LRRC49: variants seen among roughly 807,000 people sequenced by gnomAD.
The protein encoded by LRRC49 is leucine rich repeat containing 49, also known as leucine-rich repeat-containing protein 49.
A neutral mutation model predicts 83.3 loss-of-function variants in LRRC49; 50 were observed. The observed-to-expected ratio is 0.60, with a 90% confidence interval of 0.48 to 0.76. LRRC49 has a LOEUF of 0.76. Ranked by LOEUF, LRRC49 falls within the 30% of genes least tolerant of loss-of-function variation. The pLI, the probability that LRRC49 is intolerant of heterozygous loss-of-function variation, is 0.00. For missense variants in LRRC49, 704 were observed against 809.1 expected, an observed-to-expected ratio of 0.87 and a Z score of 1.58; for synonymous variants, 286 against 283.3, an observed-to-expected ratio of 1.01 and a Z score of -0.10.
chr15:70,882,500 C>T (rs917770502), intron 2 of LRRC49: 1 of 1,613,638 alleles, frequency 6.2e-7, no homozygotes, highest in Non-Finnish European at 8.5e-7. Flanking sequence ...AGACAAATCA[C>T]TCTGTTCACT....
At chr15:71,042,984 A>G (rs2039743207) in intron 15 of LRRC49, among the ~76,000 whole-genome samples, 1 of 152,178 alleles carries the variant, frequency 6.6e-6, no homozygotes, top group Non-Finnish European at 1.5e-5. Context: ...ACCCTAGTGC[A>G]AAGGGCTCTC....
At chr15:70,859,449 T>C in intron 1 of LRRC49, 2 of 721,582 alleles carry the variant, frequency 2.8e-6, no homozygotes, top group Non-Finnish European at 5.2e-6. Context: ...TCTGTGGTGC[T>C]GTCCATGGAC....
At position 70,978,677 on chromosome 15, in the gene LRRC49, C is replaced by G. The variant is rs187746554; in HGVS notation, c.922-1424C>G. Among the ~76,000 whole-genome samples the G allele has an allele frequency of 3.1e-4, 47 of 152,264 alleles. 1 individual carries two copies. The highest frequency in any genetic ancestry group is 1.1e-3 in the African/African-American group (45 of 41,554). Reference sequence around the variant, plus strand: ...GAAATATGTCTACCATTTGATACAGCAGTTTCGGTTTTAATAAATTACTGA... The same window carrying G: ...GAAATATGTCTACCATTTGATACAGGAGTTTCGGTTTTAATAAATTACTGA... On this transcript the variant is annotated intron_variant, in intron 9 of 15. Transcript: ENST00000260382.
intron 8 of LRRC49, among the ~76,000 whole-genome samples, chr15:70,946,198 C>A (rs1054544105): frequency 5.3e-5 from 8 of 152,126 alleles, no homozygotes; most frequent in Admixed American, 5.2e-4. Context: ...ACTAATTCCT[C>A]CTGTCTAACT....
intron 1 of LRRC49, among the ~76,000 whole-genome samples, chr15:70,857,388 C>T (rs947602215): frequency 1.3e-5 from 2 of 152,124 alleles, no homozygotes; most frequent in South Asian, 2.1e-4. Flanking sequence ...CCCAGCTACT[C>T]GGGAGGCTGA....
intron 7 of LRRC49, among the ~76,000 whole-genome samples, chr15:70,929,477 G>GA (rs562878691): frequency 3.7e-4 from 56 of 152,292 alleles, no homozygotes; most frequent in Non-Finnish European, 7.2e-4. Context: ...TTTGCTGGTG[G>GA]AGGGAGGGTC....
chr15:70,901,923 C>T (rs568746322), intron 4 of LRRC49, among the ~76,000 whole-genome samples: 4 of 152,222 alleles, frequency 2.6e-5, no homozygotes, highest in Non-Finnish European at 5.9e-5. Flanking sequence ...CTATCTACCC[C>T]AGTGGTATAA....
At chr15:70,992,081 C>G (rs1260384550) in intron 11 of LRRC49, among the ~76,000 whole-genome samples, 1 of 152,230 alleles carries the variant, frequency 6.6e-6, no homozygotes, top group Non-Finnish European at 1.5e-5. Context: ...CACTGATACC[C>G]TTGCTTCCAG....
intron 15 of LRRC49, among the ~76,000 whole-genome samples, chr15:71,046,673 T>G (rs2039862908): frequency 6.6e-6 from 1 of 152,226 alleles, no homozygotes; most frequent in Admixed American, 6.5e-5. Context: ...GTTGATAGTT[T>G]CTTTTGCTGT....
chr15:70,909,150 T>C lies in LRRC49; in HGVS notation c.501-2382T>C, dbSNP rs564219077. On this transcript the variant is annotated intron_variant, in intron 5 of 15. Coordinates refer to ENST00000260382, the MANE Select transcript of LRRC49 (RefSeq NM_017691.5). ...ATTGATTCTTCAAATCGGAGAACTT[T>C]GGGGTGATACAATCTCCATTATCCC... Among the ~76,000 whole-genome samples, 14 of 152,322 alleles carry C rather than the reference T, an allele frequency of 9.2e-5. No homozygotes were observed. The South Asian group carries it at 2.9e-3, about 32-fold the overall frequency.
intron 2 of LRRC49, among the ~76,000 whole-genome samples, chr15:70,886,210 A>G (rs922917398): frequency 6.6e-6 from 1 of 152,212 alleles, no homozygotes; most frequent in African/African-American, 2.4e-5. Flanking sequence ...TAATGCATAT[A>G]TTAGGATAGG....
chr15:70,942,883 CA>C (rs1306346667), intron 8 of LRRC49, among the ~76,000 whole-genome samples: 2 of 152,176 alleles, frequency 1.3e-5, no homozygotes, highest in African/African-American at 4.8e-5. Flanking sequence ...AGCCCTCTGT[CA>C]GAAGCAAAAA....
At chr15:70,908,036 T>C (rs765178183) in intron 5 of LRRC49, 1 of 455,620 alleles carries the variant, frequency 2.2e-6, no homozygotes, top group South Asian at 1.5e-5. Context: ...GGAAAGAGAA[T>C]TTATGCCAAA....
At chr15:70,858,831 A>G in intron 1 of LRRC49, 1 of 788,324 alleles carries the variant, frequency 1.3e-6, no homozygotes. Flanking sequence ...GATTCTCCCG[A>G]GTGGGCAGCA....
At chr15:71,037,150 C>G in intron 14 of LRRC49, 29 bp from the exon 15 acceptor site, 2 of 1,538,504 alleles carry the variant, frequency 1.3e-6, no homozygotes, top group Non-Finnish European at 1.8e-6. Flanking sequence ...ATAAGTAACT[C>G]TCTAAATCTC....
chr15:70,873,299 C>T, intron 2 of LRRC49: 5 of 1,398,946 alleles, frequency 3.6e-6, no homozygotes, highest in Non-Finnish European at 4.9e-6. Context: ...ACTAAAACAT[C>T]ATATACGGTC....
intron 11 of LRRC49, among the ~76,000 whole-genome samples, chr15:70,992,635 C>T (rs1347550876): frequency 1.3e-5 from 2 of 152,206 alleles, no homozygotes; most frequent in African/African-American, 4.8e-5. Context: ...TATTGCTGAA[C>T]AGCAAATGTC....
intron 14 of LRRC49, among the ~76,000 whole-genome samples, chr15:71,032,882 A>C (rs2039402370): frequency 6.6e-6 from 1 of 152,224 alleles, no homozygotes; most frequent in Non-Finnish European, 1.5e-5. Context: ...GGAGTCATTT[A>C]TGATAAACCC....
At chr15:70,920,014 A>G (rs966094287) in intron 7 of LRRC49, among the ~76,000 whole-genome samples, 5 of 152,200 alleles carry the variant, frequency 3.3e-5, no homozygotes, top group African/African-American at 9.6e-5. Context: ...TAGAAATATA[A>G]CTGTTCTGCT....
Sources: allele counts gnomAD v4.1 joint callset (sites outside exome capture counted in the v4.1 genomes callset), GRCh38; gene constraint gnomAD v4.1.1; transcripts MANE v1.5; gene names NCBI Gene and HGNC (gene_info 2026-07-23, HGNC 2026-07-21).